MYH11: variants seen among roughly 807,000 people sequenced by gnomAD.
MYH11 encodes the protein myosin-11.
A neutral mutation model predicts 246.6 loss-of-function variants in MYH11; 80 were observed. The observed-to-expected ratio is 0.32, with a 90% CI of 0.27 to 0.39. MYH11 has a LOEUF of 0.39. Ranked by LOEUF, MYH11 falls within the 10% of genes least tolerant of loss-of-function variation. MYH11 has a pLI of 1.00. For synonymous variants in MYH11, 1,071 were observed against 1,015.5 expected, an observed-to-expected ratio of 1.05 and a Z score of -1.04; for missense variants, 2,158 against 2,546.8, an observed-to-expected ratio of 0.85 and a Z score of 3.29.
At chr16:15,833,448 C>G (rs1054064102) in intron 2 of MYH11, among the ~76,000 whole-genome samples, 2 of 147,592 alleles carry the variant, frequency 1.4e-5, no homozygotes, top group African/African-American at 5.1e-5. Context: ...CAGACGAACT[C>G]AGCCAAAAGA....
chr16:15,754,432 G>C (rs76716230), intron 14 of MYH11, among the ~76,000 whole-genome samples: 2,390 of 152,138 alleles, frequency 0.016, 64 homozygotes, highest in African/African-American at 0.054. Context: ...AGCTTTGCTG[G>C]GTTATCATGG....
Position 15,720,171 on chromosome 16 carries a change from T to G in MYH11, c.4933A>C (p.Lys1645Gln), listed in dbSNP as rs375607145. The change falls in exon 34 of 41, where the codon AAG becomes CAG. Residue 1645 changes from lysine to glutamine, a missense_variant. By Grantham distance (53) the Lys-to-Gln change is moderately conservative (BLOSUM62 1). Coordinates refer to ENST00000300036, the MANE Select transcript of MYH11 (RefSeq NM_002474.3). ...SAIKGREEAI[K>Q]QLRKLQAQMK... ...CCCACCTGCAGTTTGCGTAGCTGCT[T>G]GATGGCTTCCTCCCTCCCCTTGATG... 5 of 1,614,002 alleles carry G rather than the reference T, an allele frequency of 3.1e-6. No homozygotes were observed. In the African/African-American group the frequency reaches 5.3e-5, roughly 17 times the overall value.
At chr16:15,788,794 ATATATGTGTGTGTGTGTGTGTGTGTG>A (rs1166465644) in intron 4 of MYH11, among the ~76,000 whole-genome samples, 69 of 107,786 alleles carry the variant, frequency 6.4e-4, no homozygotes, top group African/African-American at 4.0e-4. Flanking sequence ...TAAGACCAGA[ATATATGTGTGTGTGTGTGTGTGTGTG>A]TGTGTGTGTG....
intron 15 of MYH11, 66 bp downstream of exon 15, chr16:15,753,328 G>C: frequency 1.4e-6 from 2 of 1,417,018 alleles, no homozygotes; most frequent in Non-Finnish European, 1.0e-6. Context: ...TGTGAGAGTC[G>C]GGGGACTTGG....
In MYH11 at chr16:15,724,618, T is replaced by G. The variant is rs138543179; in HGVS notation, c.4116+29A>C. ...AGCGCAGAGAAGTTGAGAGGACCCATGAAGGAAGCAAGGACACGGGGCAGG... is the reference window on the plus strand; with the variant it reads ...AGCGCAGAGAAGTTGAGAGGACCCAGGAAGGAAGCAAGGACACGGGGCAGG... On this transcript the variant is annotated intron_variant, in intron 30 of 40. Coordinates refer to ENST00000300036, the MANE Select transcript of MYH11 (RefSeq NM_002474.3). The G allele has an allele frequency of 2.2e-5, 35 of 1,613,182 alleles. No homozygotes were observed. The African/African-American group carries it at 3.5e-4, about 16-fold the overall frequency.
chr16:15,822,614 C>A (rs1391231422), intron 3 of MYH11, among the ~76,000 whole-genome samples: 1 of 152,196 alleles, frequency 6.6e-6, no homozygotes, highest in African/African-American at 2.4e-5. Context: ...ACTTGGGAGG[C>A]TGAGGCAGGA....
At chr16:15,776,750 G>T (rs1460034855) in intron 7 of MYH11, among the ~76,000 whole-genome samples, 1 of 152,226 alleles carries the variant, frequency 6.6e-6, no homozygotes, top group Non-Finnish European at 1.5e-5. Context: ...GGTCTGACGG[G>T]ATGGAGGCGA....
At chr16:15,714,677 C>A in intron 40 of MYH11, 1 of 608,338 alleles carries the variant, frequency 1.6e-6, no homozygotes, top group Non-Finnish European at 2.9e-6. Flanking sequence ...GGGAGACGGT[C>A]GATCGTTAAA....
Position 15,733,022 on chromosome 16 carries a change from G to A in MYH11, c.3507-314C>T. On this transcript the variant is annotated intron_variant, in intron 26 of 40. Transcript: ENST00000300036. ...ATATTAATGTTGGCTCTTATTTAAT[G>A]AGCAGTTACTATATGCCAGGCCCTG... 6 of 453,962 alleles carry A rather than the reference G, an allele frequency of 1.3e-5. No individual in the cohort carries two copies. The South Asian group carries it at 1.4e-4, about 10-fold the overall frequency. 28.1% of individuals were successfully genotyped at this position (453,962 alleles called of 1,614,324 possible).
chr16:15,726,626 C>T (rs1427919087), intron 28 of MYH11: 1 of 615,588 alleles, frequency 1.6e-6, no homozygotes, highest in East Asian at 2.8e-5. Flanking sequence ...CCTCTGTCTC[C>T]CAAAGTGCTG....
chr16:15,812,028 C>A (rs868363643), intron 3 of MYH11, among the ~76,000 whole-genome samples: 2 of 152,152 alleles, frequency 1.3e-5, no homozygotes, highest in African/African-American at 4.8e-5. Flanking sequence ...CTATTCATCA[C>A]GTTCATTTAT....
In MYH11 at chr16:15,750,489, T is replaced by C. The variant is rs982154755; in HGVS notation, c.1865-158A>G. 2.6e-5 allele frequency among the ~76,000 whole-genome samples: 4 copies of C among 152,082 alleles called. No individual in the cohort carries two copies. Among genetic ancestry groups the C allele is most frequent in the Admixed American group, 1.3e-4 (2 of 15,270 alleles). On this transcript the variant is annotated intron_variant, in intron 15 of 40. Transcript: ENST00000300036. This position sits in a 1 kb window ranked among gnomAD's most constrained non-coding sequence, Gnocchi z 4.3. ...AGTCAGGGTTTCCAAGTATTGTCTATTGGGGAAATCCTGAGAGCACCTGAG... is the reference window on the plus strand; with the variant it reads ...AGTCAGGGTTTCCAAGTATTGTCTACTGGGGAAATCCTGAGAGCACCTGAG...
intron 37 of MYH11, 52 bp downstream of exon 37, chr16:15,718,263 G>C: frequency 6.2e-7 from 1 of 1,604,020 alleles, no homozygotes; most frequent in East Asian, 2.2e-5. Flanking sequence ...GCAGGATCCT[G>C]CTGCAGGAGA....
At chr16:15,716,100 CA>C (rs1445113787) in intron 38 of MYH11, among the ~76,000 whole-genome samples, 2 of 151,688 alleles carry the variant, frequency 1.3e-5, no homozygotes, top group Non-Finnish European at 2.9e-5. Context: ...GACTATGTCT[CA>C]AAAAAATAAA....
rs189197683 is a variant in MYH11, at chr16:15,711,941, C to T, written c.5786+2968G>A. Among the ~76,000 whole-genome samples the T allele has an allele frequency of 1.3e-3, 195 of 152,304 alleles. 1 individual carries two copies. Among genetic ancestry groups the T allele is most frequent in the African/African-American group, 4.5e-3 (187 of 41,566 alleles). ...CTCCTGACCTCAGGTGATCAGCCTG[C>T]GTTGGCCTCCCAAAGTGCTGGGATT... On this transcript the variant is annotated intron_variant, in intron 40 of 40. Transcript: ENST00000300036.
intron 13 of MYH11, among the ~76,000 whole-genome samples, chr16:15,757,040 C>T (rs1228798876): frequency 2.0e-5 from 3 of 151,794 alleles, no homozygotes; most frequent in Non-Finnish European, 2.9e-5. Context: ...CCTCGTGATC[C>T]GCCCGCCTCG....
At chr16:15,828,825 TAAGA>T (rs2043645074) in intron 2 of MYH11, among the ~76,000 whole-genome samples, 2 of 110,588 alleles carry the variant, frequency 1.8e-5, no homozygotes, top group Non-Finnish European at 3.6e-5. Flanking sequence ...GGAAGGAAAG[TAAGA>T]AAGAAAGGAA....
chr16:15,757,107 A>G (rs767910423), intron 13 of MYH11, among the ~76,000 whole-genome samples: 1 of 151,886 alleles, frequency 6.6e-6, no homozygotes, highest in Non-Finnish European at 1.5e-5. Flanking sequence ...CGAGTTCATA[A>G]TTCTTGCAAA....
At chr16:15,735,247 G>A (rs1336028625) in intron 26 of MYH11, 119 bp downstream of exon 26, 2 of 1,102,418 alleles carry the variant, frequency 1.8e-6, no homozygotes, top group Non-Finnish European at 2.8e-6. Context: ...GCAAACCGCG[G>A]CCAGGAAGGT....
Sources: gnomAD v4.1 joint callset for allele counts (sites outside exome capture counted in the v4.1 genomes callset) on GRCh38, gnomAD v4.1.1 for gene constraint, Gnocchi (gnomAD v3.1) non-coding constraint, MANE v1.5 for transcripts, NCBI Gene and HGNC (gene_info 2026-07-23, HGNC 2026-07-21) for gene names.